Variants in PRKCH observed in about 807,000 individuals in gnomAD.
PRKCH encodes protein kinase C eta type.
In PRKCH, 28 loss-of-function variants were observed where a neutral mutation model predicts 82.5. The ratio of observed to expected loss-of-function variants is 0.34; its 90% confidence interval spans 0.25 to 0.47. PRKCH has a LOEUF of 0.47. PRKCH is among the 20% of genes least tolerant of loss of function. The pLI is 1.00. For synonymous variants in PRKCH, 322 were observed against 327.4 expected (o/e 0.98, Z 0.18); for missense variants, 705 against 881.8 (o/e 0.80, Z 2.54).
chr14:61,536,061 A>T (rs1285645009), intron 12 of PRKCH, among the ~76,000 whole-genome samples: 1 of 152,250 alleles, frequency 6.6e-6, no homozygotes, highest in Non-Finnish European at 1.5e-5. Flanking sequence ...GAAATGGTTT[A>T]CAATACAAAT....
intron 1 of PRKCH, among the ~76,000 whole-genome samples, chr14:61,361,439 T>C (rs1002739261): frequency 6.6e-6 from 1 of 152,236 alleles, no homozygotes; most frequent in Non-Finnish European, 1.5e-5. Context: ...TTTATTTTGC[T>C]AGTGAAACCT....
intron 12 of PRKCH, chr14:61,544,153 A>G (rs2043224045): frequency 6.6e-6 from 1 of 152,178 alleles, no homozygotes; most frequent in South Asian, 2.1e-4. Flanking sequence ...ACCAGGGGTC[A>G]GGAGCCATGA....
In PRKCH at chr14:61,188,588, TCGGGGGGGTGGGGGGGTGGTGTG is replaced by T. The variant is rs769294945; in HGVS notation, c.-19+921_-19+943del. 6.4e-3 allele frequency among the ~76,000 whole-genome samples: 439 copies of T among 68,704 alleles called. 9 individuals are homozygous for T. Among genetic ancestry groups the T allele is most frequent in the Middle Eastern group, 0.016 (2 of 124 alleles). The allele number at this position is 68,704 out of a possible 152,430, so 45.1% of individuals were successfully genotyped here. Reference sequence around the variant, plus strand: ...GACGTTGCTGTAGTGTGTGTGTGTGTCGGGGGGGTGGGGGGGTGGTGTGGTGTGTGTGTGTGTGTGTGTGTGTG... The same window carrying T: ...GACGTTGCTGTAGTGTGTGTGTGTGTGTGTGTGTGTGTGTGTGTGTGTGTG... On this transcript the variant is annotated intron_variant, in intron 1 of 3. Coordinates refer to the PRKCH transcript ENST00000555185.
chr14:61,424,046 C>T (rs1469535466), intron 2 of PRKCH, among the ~76,000 whole-genome samples: 2 of 152,214 alleles, frequency 1.3e-5, no homozygotes, highest in African/African-American at 4.8e-5. Flanking sequence ...ACTTCTCCCA[C>T]ATACTCTCTT....
At chr14:61,511,127 C>G (rs1296109795) in intron 10 of PRKCH, among the ~76,000 whole-genome samples, 1 of 152,172 alleles carries the variant, frequency 6.6e-6, no homozygotes, top group Admixed American at 6.5e-5. Flanking sequence ...TTTAATGACT[C>G]AAGTAGAGCC....
chr14:61,382,451 A>AC (rs2140187679), intron 1 of PRKCH, among the ~76,000 whole-genome samples: 1 of 149,482 alleles, frequency 6.7e-6, no homozygotes, highest in South Asian at 2.1e-4. Context: ...ACAAAAACAA[A>AC]CAAAAAAAAA....
At position 61,280,567 on chromosome 14, in the gene PRKCH, G is replaced by C; in HGVS notation, c.-19+92899G>C. ...GTAGTCGGTCCACCAGGCGATGCCG[G>C]AGCGGTCGAGCGGCACCTCGACGTA... On this transcript the variant is annotated intron_variant, in intron 1 of 3. Transcript: ENST00000555185. The surrounding 1 kb of genome is among the most constrained non-coding windows in gnomAD (Gnocchi z 5.0). The C allele has an allele frequency of 6.2e-7, 1 of 1,604,744 alleles. No homozygotes were observed. The highest frequency in any genetic ancestry group is 8.5e-7 in the Non-Finnish European group (1 of 1,176,076).
chr14:61,478,340 G>A (rs1180811033), intron 9 of PRKCH, among the ~76,000 whole-genome samples: 2 of 152,116 alleles, frequency 1.3e-5, no homozygotes, highest in Non-Finnish European at 1.5e-5. Flanking sequence ...CAGAGCCCAG[G>A]TGTCGCCACT....
At chr14:61,335,057 T>C (rs1368317931) in intron 1 of PRKCH, among the ~76,000 whole-genome samples, 1 of 152,136 alleles carries the variant, frequency 6.6e-6, no homozygotes, top group Non-Finnish European at 1.5e-5. Context: ...TTTTTTGTAA[T>C]CTTGGCAGGC....
At chr14:61,194,213 A>G (rs1210535860) in intron 1 of PRKCH, among the ~76,000 whole-genome samples, 1 of 152,274 alleles carries the variant, frequency 6.6e-6, no homozygotes, top group East Asian at 1.9e-4. Context: ...AGAGTCTACT[A>G]TAAATTAGTA....
In PRKCH at chr14:61,321,944, A is replaced by C; in HGVS notation, c.-158A>C. 1.4e-6 allele frequency: 1 copy of C among 702,934 alleles called. No individual in the cohort carries two copies. The highest frequency in any genetic ancestry group is 2.3e-6 in the Non-Finnish European group (1 of 440,854). 43.5% of individuals were successfully genotyped at this position (702,934 alleles called of 1,614,324 possible). ...AGGAGGGGAGGGAAAAGTCCCACGG[A>C]GGAGGCAGAATGGCCAGTCGAGGGG... On this transcript the variant is annotated 5_prime_UTR_variant, in exon 1 of 14. Transcript: ENST00000332981. The surrounding 1 kb of genome is among the most constrained non-coding windows in gnomAD (Gnocchi z 4.1).
At chr14:61,264,124 A>T (rs1197265010) in intron 1 of PRKCH, among the ~76,000 whole-genome samples, 1 of 152,194 alleles carries the variant, frequency 6.6e-6, no homozygotes, top group Non-Finnish European at 1.5e-5. Context: ...CCTCGGGTCC[A>T]TAAAGCCAGT....
At chr14:61,256,232 T>A (rs2044996694) in intron 1 of PRKCH, among the ~76,000 whole-genome samples, 1 of 152,174 alleles carries the variant, frequency 6.6e-6, no homozygotes, top group Non-Finnish European at 1.5e-5. Context: ...TGACCAGGAA[T>A]GCATTAAATT....
chr14:61,470,227 G>T (rs1316065529), intron 9 of PRKCH, among the ~76,000 whole-genome samples: 1 of 151,926 alleles, frequency 6.6e-6, no homozygotes, highest in Non-Finnish European at 1.5e-5. Flanking sequence ...TCTGGTTAGT[G>T]GTGGGTTCTG....
chr14:61,329,733 C>T (rs913627270), intron 1 of PRKCH, among the ~76,000 whole-genome samples: 1 of 152,190 alleles, frequency 6.6e-6, no homozygotes, highest in African/African-American at 2.4e-5. Flanking sequence ...ACAACTGTCC[C>T]TGATGTGCCA....
intron 1 of PRKCH, among the ~76,000 whole-genome samples, chr14:61,293,882 C>A (rs983698129): frequency 2.6e-5 from 4 of 152,166 alleles, no homozygotes; most frequent in African/African-American, 9.7e-5. Flanking sequence ...AGCTGATAAC[C>A]AAGCTCTTTC....
chr14:61,195,871 G>C (rs535042237), intron 1 of PRKCH, among the ~76,000 whole-genome samples: 1 of 152,206 alleles, frequency 6.6e-6, no homozygotes, highest in East Asian at 1.9e-4. Flanking sequence ...CCACCCTTAC[G>C]ACCATATTTA....
At chr14:61,468,963 C>T (rs1885381570) in intron 9 of PRKCH, among the ~76,000 whole-genome samples, 1 of 152,138 alleles carries the variant, frequency 6.6e-6, no homozygotes, top group Non-Finnish European at 1.5e-5. Flanking sequence ...TTCAGTAGGG[C>T]CCTGTATTGA....
chr14:61,232,501 G>A (rs369181413), intron 1 of PRKCH, among the ~76,000 whole-genome samples: 57 of 152,336 alleles, frequency 3.7e-4, no homozygotes, highest in Admixed American at 6.5e-4. Flanking sequence ...GATTACAGGC[G>A]TGAGCCACCG....
Sources: allele counts gnomAD v4.1 joint callset (sites outside exome capture counted in the v4.1 genomes callset), GRCh38; gene constraint gnomAD v4.1.1; non-coding constraint Gnocchi (gnomAD v3.1); transcripts MANE v1.5; gene names NCBI Gene and HGNC (gene_info 2026-07-23, HGNC 2026-07-21).